LRRIQ1: variants seen among roughly 807,000 people sequenced by gnomAD.
The protein encoded by LRRIQ1 is leucine-rich repeat- and IQ domain-containing protein 1.
Under a neutral mutation model 211.9 loss-of-function variants are expected in LRRIQ1, and 210 were observed. The ratio of observed to expected loss-of-function variants is 0.99; its 90% CI spans 0.89 to 1.11. LRRIQ1 has a LOEUF of 1.11. Among genes scored for constraint, LRRIQ1 ranks in the 50% most tolerant of loss-of-function variants. The pLI, the probability that LRRIQ1 is intolerant of heterozygous loss-of-function variation, is 0.00. For missense variants in LRRIQ1, 2,136 were observed against 1,939.5 expected (o/e 1.10, Z -1.90); for synonymous variants, 699 against 650.1 (o/e 1.08, Z -1.14).
At chr12:85,070,765 C>G (rs995784629) in intron 10 of LRRIQ1, among the ~76,000 whole-genome samples, 2 of 151,848 alleles carry the variant, frequency 1.3e-5, no homozygotes, top group African/African-American at 4.8e-5. Flanking sequence ...TAGCTGTATT[C>G]ATTTTTTCTT....
In LRRIQ1 at chr12:85,124,606, C is replaced by T. The variant is rs1888237511; in HGVS notation, c.4007+87C>T. ...TTAGTCAATGGTACCTAGTAATTTG[C>T]TGAAGGATTCAAATCACAATCATAT... On this transcript the variant is annotated intron_variant, in intron 17 of 26. Transcript: ENST00000393217. 4 of 1,009,826 alleles carry T rather than the reference C, an allele frequency of 4.0e-6. No homozygotes were observed. In the East Asian group the frequency reaches 7.4e-5, roughly 19 times the overall value. 62.6% of individuals were successfully genotyped at this position (1,009,826 alleles called of 1,614,324 possible).
intron 24 of LRRIQ1, among the ~76,000 whole-genome samples, chr12:85,204,335 G>C (rs1453355989): frequency 6.6e-6 from 1 of 152,222 alleles, no homozygotes; most frequent in African/African-American, 2.4e-5. Flanking sequence ...GAAGGGAAAT[G>C]TGAGGTCAGA....
At chr12:85,168,750 A>G (rs559319338) in intron 24 of LRRIQ1, among the ~76,000 whole-genome samples, 2 of 152,188 alleles carry the variant, frequency 1.3e-5, no homozygotes, top group East Asian at 3.9e-4. Context: ...AAGTATTGTC[A>G]CCTATTTTGT....
At chr12:85,066,717 TA>T in intron 9 of LRRIQ1, 30 bp from the exon 10 acceptor site, 1 of 1,552,134 alleles carries the variant, frequency 6.4e-7, no homozygotes, top group Non-Finnish European at 8.7e-7. Context: ...GCCATTGAAA[TA>T]AAACTAATTA....
chr12:85,084,293 G>A (rs536506622), intron 11 of LRRIQ1, among the ~76,000 whole-genome samples: 2 of 152,074 alleles, frequency 1.3e-5, no homozygotes, highest in South Asian at 2.1e-4. Flanking sequence ...TAAACAAAAT[G>A]TGCTCATATA....
intron 11 of LRRIQ1, among the ~76,000 whole-genome samples, chr12:85,086,487 G>T (rs929818168): frequency 1.1e-4 from 16 of 152,108 alleles, no homozygotes; most frequent in Non-Finnish European, 2.2e-4. Context: ...TGCCATGATT[G>T]TAAACTTCCT....
intron 18 of LRRIQ1, among the ~76,000 whole-genome samples, chr12:85,137,079 C>T (rs2136544095): frequency 6.6e-6 from 1 of 151,186 alleles, no homozygotes; most frequent in Admixed American, 6.6e-5. Flanking sequence ...ATAATTCGAG[C>T]TTTTTAAAAT....
At chr12:85,187,209 A>C (rs1892267474) in intron 24 of LRRIQ1, among the ~76,000 whole-genome samples, 1 of 152,208 alleles carries the variant, frequency 6.6e-6, no homozygotes, top group Non-Finnish European at 1.5e-5. Flanking sequence ...TTGCATGCAC[A>C]GCAACCTGAA....
chr12:85,130,512 C>T (rs141803058), intron 18 of LRRIQ1, among the ~76,000 whole-genome samples: 1 of 152,272 alleles, frequency 6.6e-6, no homozygotes, highest in African/African-American at 2.4e-5. Context: ...ACTGATACCT[C>T]TGTTGTGAGT....
chr12:85,058,675 AATG>A (rs1327396131), intron 8 of LRRIQ1, among the ~76,000 whole-genome samples: 1 of 151,974 alleles, frequency 6.6e-6, no homozygotes, highest in East Asian at 1.9e-4. Context: ...ATTTACATAA[AATG>A]ATAATTAACT....
At chr12:85,063,809 T>C (rs920847005) in intron 8 of LRRIQ1, among the ~76,000 whole-genome samples, 1 of 151,794 alleles carries the variant, frequency 6.6e-6, no homozygotes, top group African/African-American at 2.4e-5. Context: ...CTATCTGTAC[T>C]GGTTTATTTC....
chr12:85,075,449 T>C (rs1345887986), intron 11 of LRRIQ1, among the ~76,000 whole-genome samples: 1 of 151,992 alleles, frequency 6.6e-6, no homozygotes, highest in Non-Finnish European at 1.5e-5. Context: ...CTCAGGAAAC[T>C]TACAATCATG....
At position 85,073,045 on chromosome 12, in the gene LRRIQ1, C is replaced by G; in HGVS notation, c.2834C>G (p.Ser945Ter). 2.5e-6 allele frequency: 4 copies of G among 1,610,362 alleles called. No homozygotes were observed. The highest frequency in any genetic ancestry group is 3.4e-6 in the Non-Finnish European group (4 of 1,178,090). ...GLCWSWIPITSLTKNSDCNFL... is the reference protein window; with the variant it reads ...GLCWSWIPIT Reference sequence around the variant, plus strand: ...TGTTGGTCCTGGATACCTATTACCTCACTTACAAAAAATTCAGATTGTAAT... The same window carrying G: ...TGTTGGTCCTGGATACCTATTACCTGACTTACAAAAAATTCAGATTGTAAT... The change falls in exon 11 of 27, where the codon TCA (serine) becomes TGA (stop). Residue 945 changes from serine to a stop codon, truncating the protein, a stop_gained. Transcript: ENST00000393217. LOFTEE classifies it high-confidence loss of function.
At chr12:85,064,721 GT>G (rs1882244582) in intron 8 of LRRIQ1, among the ~76,000 whole-genome samples, 1 of 151,804 alleles carries the variant, frequency 6.6e-6, no homozygotes, top group Non-Finnish European at 1.5e-5. Context: ...AGAGATGGGG[GT>G]CTAGTTTCAT....
At chr12:85,236,839 A>G (rs1185035986) in intron 26 of LRRIQ1, among the ~76,000 whole-genome samples, 2 of 141,272 alleles carry the variant, frequency 1.4e-5, no homozygotes, top group South Asian at 4.3e-4. Context: ...GCATATATAT[A>G]TATATATATA....
At chr12:85,055,455 A>G in intron 7 of LRRIQ1, 92 bp from the exon 8 acceptor site, 1 of 1,012,608 alleles carries the variant, frequency 9.9e-7, no homozygotes, top group Non-Finnish European at 1.3e-6. Context: ...CTTCAGTTTT[A>G]GTATTTGTTT....
At chr12:85,222,439 A>C (rs1442916540) in intron 24 of LRRIQ1, among the ~76,000 whole-genome samples, 1 of 152,150 alleles carries the variant, frequency 6.6e-6, no homozygotes, top group Non-Finnish European at 1.5e-5. Flanking sequence ...CAGGGAAAAC[A>C]AGCCTTTCGA....
At chr12:85,114,003 C>T (rs906802784) in intron 15 of LRRIQ1, among the ~76,000 whole-genome samples, 1 of 151,010 alleles carries the variant, frequency 6.6e-6, no homozygotes, top group African/African-American at 2.4e-5. Flanking sequence ...AGGACCCCCT[C>T]ATCTGGAATA....
intron 24 of LRRIQ1, among the ~76,000 whole-genome samples, chr12:85,200,600 A>T (rs908613024): frequency 2.0e-5 from 3 of 152,246 alleles, no homozygotes; most frequent in Middle Eastern, 6.8e-3. Flanking sequence ...TGGGTTTGTC[A>T]TAGGTGGCTC....
Sources: gnomAD v4.1 joint callset for allele counts (sites outside exome capture counted in the v4.1 genomes callset) on GRCh38, gnomAD v4.1.1 for gene constraint, MANE v1.5 for transcripts, NCBI Gene and HGNC (gene_info 2026-07-23, HGNC 2026-07-21) for gene names.